CCM2L: variants seen among roughly 807,000 people sequenced by gnomAD.
CCM2L encodes the protein cerebral cavernous malformations 2 protein-like.
CCM2L carries 36 observed loss-of-function variants against 54.1 expected under a neutral mutation model. That is an observed-to-expected ratio of 0.67 (90% CI 0.51 to 0.88). CCM2L has a LOEUF of 0.88. Among genes scored for constraint, CCM2L ranks in the 40% least tolerant of loss-of-function variants. The pLI is 0.00. For synonymous variants in CCM2L, 351 were observed against 359.3 expected, an observed-to-expected ratio of 0.98 and a Z score of 0.26; for missense variants, 700 against 812.1, an observed-to-expected ratio of 0.86 and a Z score of 1.68.
At chr20:32,028,666 A>G (rs1475322130) in intron 7 of CCM2L, 1 of 315,856 alleles carries the variant, frequency 3.2e-6, no homozygotes, top group Non-Finnish European at 6.1e-6. Context: ...TGAGGAGATG[A>G]CATTTAAGAT....
Position 32,029,022 on chromosome 20 carries a change from A to G in CCM2L, c.1161A>G (p.Ala387=). 1 of 1,614,166 alleles carries G rather than the reference A, an allele frequency of 6.2e-7. No individual in the cohort carries two copies. The highest frequency in any genetic ancestry group is 8.5e-7 in the Non-Finnish European group (1 of 1,180,012). ...SFNGSQDTFE[A]CYSGTSTPSF... ...ATGGCTCCCAGGACACCTTTGAAGC[A>G]TGTTACAGCGGCACGTCCACACCTT... Residue 387 remains alanine (A), a synonymous_variant, in exon 8 of 10, where the codon GCA becomes GCG. Coordinates refer to ENST00000452892, the MANE Select transcript of CCM2L (RefSeq NM_001365692.1).
intron 9 of CCM2L, among the ~76,000 whole-genome samples, chr20:32,030,047 A>G (rs2064906409): frequency 6.6e-6 from 1 of 152,152 alleles, no homozygotes; most frequent in Non-Finnish European, 1.5e-5. Context: ...GATAAGAAGA[A>G]CTAAGCAGTG....
At chr20:32,021,381 G>A (rs1170035331) in intron 5 of CCM2L, among the ~76,000 whole-genome samples, 2 of 152,038 alleles carry the variant, frequency 1.3e-5, no homozygotes, top group Non-Finnish European at 2.9e-5. Flanking sequence ...TGGAATTTGT[G>A]GAGTGAGTAA....
chr20:32,031,491 AG>A lies in CCM2L; in HGVS notation c.*182del, dbSNP rs1047394604. 2.5e-6 allele frequency: 1 copy of A among 407,294 alleles called. No homozygotes were observed. Among genetic ancestry groups the A allele is most frequent in the African/African-American group, 2.2e-5 (1 of 45,734 alleles). 25.2% of individuals were successfully genotyped at this position (407,294 alleles called of 1,614,324 possible). A position where few individuals can be genotyped will look rare whatever the true frequency, so the allele number is the denominator to read the frequency against. On this transcript the variant is annotated 3_prime_UTR_variant, in exon 10 of 10. Coordinates refer to ENST00000452892, the MANE Select transcript of CCM2L (RefSeq NM_001365692.1). Reference sequence around the variant, plus strand: ...CCATGCAGTACCTGGAGTGTCCTGCAGGGGGAAAGCGAAGCCGGGCCCTGAA... The same window carrying A: ...CCATGCAGTACCTGGAGTGTCCTGCAGGGGAAAGCGAAGCCGGGCCCTGAA...
chr20:32,025,834 T>A (rs779878697), intron 6 of CCM2L, 22 bp from the exon 7 acceptor site: 38 of 1,302,526 alleles, frequency 2.9e-5, no homozygotes, highest in Non-Finnish European at 3.5e-5. Context: ...CCTCTGACAG[T>A]CCCTCTGTCT....
At chr20:32,013,404 C>A (rs2064710161) in intron 1 of CCM2L, among the ~76,000 whole-genome samples, 1 of 152,062 alleles carries the variant, frequency 6.6e-6, no homozygotes, top group South Asian at 2.1e-4. Context: ...TAAAAGCTCC[C>A]CCCGTAGTTC....
rs960046952 is a variant in CCM2L at position 32,031,377 on chromosome 20, G to A, written c.*63G>A. ...CTCTGAGTCTCAGCTTTGCTTCGGG[G>A]ACCCTATCCCCAGGGCCCCCCCATC... On this transcript the variant is annotated 3_prime_UTR_variant, in exon 10 of 10. Coordinates refer to ENST00000452892, the MANE Select transcript of CCM2L (RefSeq NM_001365692.1). 2 of 1,201,728 alleles carry A rather than the reference G, an allele frequency of 1.7e-6. No homozygotes were observed. The highest frequency in any genetic ancestry group is 2.1e-6 in the Non-Finnish European group (2 of 944,894). The allele number at this position is 1,201,728 out of a possible 1,614,324, so 74.4% of individuals were successfully genotyped here.
intron 5 of CCM2L, among the ~76,000 whole-genome samples, chr20:32,020,820 C>T (rs897701744): frequency 1.3e-5 from 2 of 152,024 alleles, no homozygotes; most frequent in African/African-American, 4.8e-5. Flanking sequence ...CCCGTCTCTA[C>T]GAAAAATACA....
At chr20:32,016,143 G>A (rs554325653) in intron 2 of CCM2L, among the ~76,000 whole-genome samples, 151 of 151,976 alleles carry the variant, frequency 9.9e-4, no homozygotes, top group Admixed American at 4.8e-3. Flanking sequence ...ACAGGTGTGA[G>A]CCACCACACC....
At position 32,031,249 on chromosome 20, in the gene CCM2L, G is replaced by C. The variant is rs552472243; in HGVS notation, c.1651G>C (p.Asp551His). The change falls in exon 10 of 10, where the codon GAC (aspartate) becomes CAC (histidine). Residue 551 changes from aspartate to histidine, a missense_variant. Physicochemically the swap from Asp to His is moderately conservative, Grantham distance 81. Coordinates refer to ENST00000452892, the MANE Select transcript of CCM2L (RefSeq NM_001365692.1). ...IEALAPDDDDDDEDEPRGSRG... is the reference protein window; with the variant it reads ...IEALAPDDDDHDEDEPRGSRG... ...GGCGCTGGCCCCCGATGACGACGAC[G>C]ACGACGAGGATGAGCCCCGGGGCTC... 39 of 1,298,356 alleles carry C rather than the reference G, an allele frequency of 3.0e-5. No individual in the cohort carries two copies. The highest frequency in any genetic ancestry group is 2.5e-4 in the Admixed American group (11 of 43,470). 80.4% of individuals were successfully genotyped at this position (1,298,356 alleles called of 1,614,324 possible).
At chr20:32,018,796 G>A (rs2064766506) in intron 4 of CCM2L, 147 bp from the exon 5 acceptor site, 3 of 1,041,956 alleles carry the variant, frequency 2.9e-6, no homozygotes, top group Non-Finnish European at 3.7e-6. Flanking sequence ...CGGAGTGGGC[G>A]GGGAACCGCC....
intron 2 of CCM2L, among the ~76,000 whole-genome samples, chr20:32,016,885 C>T (rs1438415974): frequency 6.6e-6 from 1 of 152,092 alleles, no homozygotes; most frequent in Non-Finnish European, 1.5e-5. Context: ...TGGTGGCTCA[C>T]ACCTGTAATC....
At chr20:32,025,549 G>A (rs2064851215) in intron 6 of CCM2L, among the ~76,000 whole-genome samples, 1 of 152,194 alleles carries the variant, frequency 6.6e-6, no homozygotes, top group South Asian at 2.1e-4. Flanking sequence ...TTACAGGCGT[G>A]AGCCACAAAT....
intron 2 of CCM2L, 25 bp downstream of exon 2, chr20:32,015,096 G>A: frequency 6.8e-7 from 1 of 1,462,544 alleles, no homozygotes; most frequent in Non-Finnish European, 9.0e-7. Flanking sequence ...AGAAGGGGTG[G>A]GAAAACCTTG....
chr20:32,030,396 G>C (rs905304115), intron 9 of CCM2L, among the ~76,000 whole-genome samples: 6 of 152,086 alleles, frequency 3.9e-5, no homozygotes, highest in African/African-American at 1.4e-4. Flanking sequence ...AAAACAAACT[G>C]TTTACAGAGT....
Position 32,031,433 on chromosome 20 carries a change from C to A in CCM2L, c.*119C>A. ...TGGCGGGGCCGGGGGGTCTTCACTC[C>A]AGGGTCTCGCTCCCTGCCCTTGGGG... On this transcript the variant is annotated 3_prime_UTR_variant, in exon 10 of 10. Coordinates refer to ENST00000452892, the MANE Select transcript of CCM2L (RefSeq NM_001365692.1). 1.2e-6 allele frequency: 1 copy of A among 820,542 alleles called. No homozygotes were observed. Among genetic ancestry groups the A allele is most frequent in the Non-Finnish European group, 1.7e-6 (1 of 606,016 alleles). The allele number at this position is 820,542 out of a possible 1,614,324, so 50.8% of individuals were successfully genotyped here. A position where few individuals can be genotyped will look rare whatever the true frequency, so the allele number is the denominator to read the frequency against.
rs1175222649 is a variant in CCM2L at position 32,018,012 on chromosome 20, G to A, written c.316G>A (p.Glu106Lys). Reference sequence around the variant, plus strand: ...GGAGCTGCCGCTGAAGACCACGGCGGAGCAGGACAGCATCCTGAGCCTGTC... The same window carrying A: ...GGAGCTGCCGCTGAAGACCACGGCGAAGCAGGACAGCATCCTGAGCCTGTC... ...LKELPLKTTAEQDSILSLSAR... is the reference protein window; with the variant it reads ...LKELPLKTTAKQDSILSLSAR... Residue 106 changes from glutamate (E) to lysine (K), a missense_variant, in exon 4 of 10, where the codon GAG becomes AAG. Physicochemically the swap from Glu to Lys is moderately conservative, Grantham distance 56. Coordinates refer to ENST00000452892, the MANE Select transcript of CCM2L (RefSeq NM_001365692.1). The A allele has an allele frequency of 1.9e-6, 3 of 1,613,774 alleles. No individual in the cohort carries two copies. The African/African-American group carries it at 4.0e-5, about 22-fold the overall frequency.
intron 1 of CCM2L, among the ~76,000 whole-genome samples, chr20:32,012,627 G>A (rs532219766): frequency 1.3e-5 from 2 of 152,254 alleles, no homozygotes; most frequent in Admixed American, 6.5e-5. Flanking sequence ...TGGTAGAAAT[G>A]CACAGTCTCA....
chr20:32,024,024 C>T (rs377088971), intron 6 of CCM2L, among the ~76,000 whole-genome samples: 9 of 152,250 alleles, frequency 5.9e-5, no homozygotes, highest in South Asian at 4.1e-4. Flanking sequence ...TGAGCCACCG[C>T]GCCTGGCCAC....
Sources: allele counts gnomAD v4.1 joint callset (sites outside exome capture counted in the v4.1 genomes callset), GRCh38; gene constraint gnomAD v4.1.1; transcripts MANE v1.5; gene names NCBI Gene and HGNC (gene_info 2026-07-23, HGNC 2026-07-21).